The following DESI2 variants were observed in gnomAD, a reference collection of about 807,000 sequenced individuals.
The protein encoded by DESI2 is deubiquitinase DESI2.
A neutral mutation model predicts 24.1 loss-of-function variants in DESI2; 10 were observed. That is an observed-to-expected ratio of 0.41 (90% CI 0.26 to 0.70). DESI2 has a LOEUF of 0.70. Ranked by LOEUF, DESI2 falls within the 30% of genes least tolerant of loss-of-function variation. DESI2 has a pLI of 0.29. For missense variants in DESI2, 122 were observed against 234.9 expected (o/e 0.52, Z 3.14); for synonymous variants, 71 against 87.7 (o/e 0.81, Z 1.06).
chr1:244,680,020 C>CTTT (rs147614472), intron 1 of DESI2, among the ~76,000 whole-genome samples: 946 of 81,762 alleles, frequency 0.012, 18 homozygotes, highest in South Asian at 0.023. Context: ...TCTTTTTAGC[C>CTTT]TTTTTTTTTT....
rs574734012 is a variant in DESI2 at position 244,653,459 on chromosome 1, C to T, written c.42+104C>T. ...AGGCGCTTCCTGCCTGGCGTCTCCG[C>T]CTCCAGCCTAGTTCTCGGGGGAAGC... On this transcript the variant is annotated intron_variant, in intron 1 of 4. Coordinates refer to ENST00000302550, the MANE Select transcript of DESI2 (RefSeq NM_016076.5). 6.5e-6 allele frequency: 8 copies of T among 1,236,656 alleles called. No homozygotes were observed. The South Asian group carries it at 1.1e-4, about 18-fold the overall frequency. 76.6% of individuals were successfully genotyped at this position (1,236,656 alleles called of 1,614,324 possible). A position where few individuals can be genotyped will look rare whatever the true frequency, so the allele number is the denominator to read the frequency against.
At chr1:244,702,436 C>A (rs1677503752) in intron 4 of DESI2, among the ~76,000 whole-genome samples, 1 of 152,166 alleles carries the variant, frequency 6.6e-6, no homozygotes, top group Non-Finnish European at 1.5e-5. Context: ...ATCGCCTGAA[C>A]CTGGCAGGTG....
chr1:244,676,526 C>A (rs913730299), intron 1 of DESI2, among the ~76,000 whole-genome samples: 38 of 151,152 alleles, frequency 2.5e-4, no homozygotes, highest in African/African-American at 9.2e-4. Flanking sequence ...TCTTTTTTTC[C>A]AGTTTGAATG....
At position 244,676,761 on chromosome 1, in the gene DESI2, A is replaced by G. The variant is rs189595512; in HGVS notation, c.43-9836A>G. ...CCTAGTTTATTGAATAGATTTTAAA[A>G]ATATATACAATGTATATTTTATATA... On this transcript the variant is annotated intron_variant, in intron 1 of 4. Transcript: ENST00000302550. Among the ~76,000 whole-genome samples the G allele has an allele frequency of 7.0e-4, 104 of 148,320 alleles. 1 individual carries two copies. Among genetic ancestry groups the G allele is most frequent in the African/African-American group, 2.4e-3 (98 of 40,862 alleles).
intron 1 of DESI2, among the ~76,000 whole-genome samples, chr1:244,671,391 C>G (rs1180461631): frequency 6.6e-6 from 1 of 152,088 alleles, no homozygotes; most frequent in Non-Finnish European, 1.5e-5. Flanking sequence ...TCTGCAAGGC[C>G]GGCCCCCAGT....
At chr1:244,691,675 G>T (rs1451138208) in intron 3 of DESI2, among the ~76,000 whole-genome samples, 3 of 152,172 alleles carry the variant, frequency 2.0e-5, no homozygotes, top group Non-Finnish European at 4.4e-5. Context: ...ATATACTTAA[G>T]AGTTTATTGC....
At chr1:244,680,238 A>G (rs1333080557) in intron 1 of DESI2, among the ~76,000 whole-genome samples, 1 of 152,114 alleles carries the variant, frequency 6.6e-6, no homozygotes, top group Non-Finnish European at 1.5e-5. Flanking sequence ...GCTTGAGCCT[A>G]GGAGTTCGAG....
intron 1 of DESI2, among the ~76,000 whole-genome samples, chr1:244,679,596 C>T (rs573055626): frequency 2.4e-4 from 36 of 152,274 alleles, no homozygotes; most frequent in African/African-American, 7.0e-4. Context: ...TCTGGCTTGG[C>T]GTGTTGGCTC....
chr1:244,660,170 T>G (rs80211222), intron 1 of DESI2, among the ~76,000 whole-genome samples: 2 of 150,028 alleles, frequency 1.3e-5, no homozygotes, highest in African/African-American at 2.5e-5. Flanking sequence ...TTGTTGTTGT[T>G]TTGTTGTTGT....
At position 244,690,962 on chromosome 1, in the gene DESI2, C is replaced by G. The variant is rs960729665; in HGVS notation, c.210-917C>G. 2.4e-4 allele frequency among the ~76,000 whole-genome samples: 36 copies of G among 152,222 alleles called. 1 individual carries two copies. The highest frequency in any genetic ancestry group is 8.7e-4 in the African/African-American group (36 of 41,454). ...TCCACTCCTTCGGGCTCTCTTTTGG[C>G]AAGACTACTTGATAAAAGGATTTTC... is the stretch of plus-strand genomic sequence containing the variant. On this transcript the variant is annotated intron_variant, in intron 3 of 4. Transcript: ENST00000302550.
intron 1 of DESI2, among the ~76,000 whole-genome samples, chr1:244,683,591 G>A (rs541525720): frequency 2.5e-3 from 384 of 152,238 alleles, no homozygotes; most frequent in African/African-American, 8.1e-3. Flanking sequence ...GATTACAGGC[G>A]TGAGCCACCG....
chr1:244,689,452 C>T lies in DESI2; in HGVS notation c.209+110C>T. The T allele has an allele frequency of 3.4e-6, 2 of 593,378 alleles. No homozygotes were observed. Among genetic ancestry groups the T allele is most frequent in the Non-Finnish European group, 6.1e-6 (2 of 329,922 alleles). 36.8% of individuals were successfully genotyped at this position (593,378 alleles called of 1,614,324 possible). A position where few individuals can be genotyped will look rare whatever the true frequency, so the allele number is the denominator to read the frequency against. ...AACAAACCCAAGAAGTTAAAAATGTCTCTTTGTTTTAATTGCTGACATTTT... is the reference window on the plus strand; with the variant it reads ...AACAAACCCAAGAAGTTAAAAATGTTTCTTTGTTTTAATTGCTGACATTTT... On this transcript the variant is annotated intron_variant, in intron 3 of 4. Transcript: ENST00000302550. The surrounding 1 kb of genome is among the most constrained non-coding windows in gnomAD (Gnocchi z 4.0).
rs1677751027 is a variant in DESI2, at chr1:244,707,438, T to C, written c.*1649T>C. The C allele has an allele frequency of 1.3e-5, 2 of 152,620 alleles. No homozygotes were observed. The highest frequency in any genetic ancestry group is 4.8e-5 in the African/African-American group (2 of 41,444). The allele number at this position is 152,620 out of a possible 1,614,324, so 9.5% of individuals were successfully genotyped here. A position where few individuals can be genotyped will look rare whatever the true frequency, so the allele number is the denominator to read the frequency against. On this transcript the variant is annotated 3_prime_UTR_variant, in exon 5 of 5. Transcript: ENST00000302550. ...AGAGGAAAGCCTTTACAAATTACTCTCAGTTCTTTAGGGGCAGAAGGCTTG... is the reference window on the plus strand; with the variant it reads ...AGAGGAAAGCCTTTACAAATTACTCCCAGTTCTTTAGGGGCAGAAGGCTTG...
At chr1:244,660,148 A>T (rs537282392) in intron 1 of DESI2, among the ~76,000 whole-genome samples, 4 of 146,960 alleles carry the variant, frequency 2.7e-5, no homozygotes, top group Non-Finnish European at 6.0e-5. Flanking sequence ...TGTTTTATGG[A>T]TTTTTCTTTT....
chr1:244,701,736 CTCCATTTTGCTTTTT>C (rs1164114604), intron 4 of DESI2, among the ~76,000 whole-genome samples: 1 of 152,134 alleles, frequency 6.6e-6, no homozygotes, highest in Non-Finnish European at 1.5e-5. Context: ...ATATGCTTTT[CTCCATTTTGCTTTTT>C]TCACTAATAG....
chr1:244,694,686 C>T (rs1677149436), intron 4 of DESI2: 5 of 748,136 alleles, frequency 6.7e-6, no homozygotes, highest in African/African-American at 3.5e-5. Context: ...CGTCTTATTG[C>T]GACGCTTTCC....
chr1:244,679,782 G>A lies in DESI2; in HGVS notation c.43-6815G>A, dbSNP rs1676539812. ...CTTGCATGGCTGAGGCACAAGAATC[G>A]CTCGAACCTGGGAGGTGGAGGTTGC... On this transcript the variant is annotated intron_variant, in intron 1 of 4. Coordinates refer to ENST00000302550, the MANE Select transcript of DESI2 (RefSeq NM_016076.5). Among the ~76,000 whole-genome samples, 7 of 147,206 alleles carry A rather than the reference G, an allele frequency of 4.8e-5. No individual in the cohort carries two copies. In the Admixed American group the frequency reaches 4.9e-4, roughly 10 times the overall value.
chr1:244,682,459 TG>T (rs1211316512), intron 1 of DESI2, among the ~76,000 whole-genome samples: 1 of 152,234 alleles, frequency 6.6e-6, no homozygotes, highest in African/African-American at 2.4e-5. Context: ...ATCGTTCAAA[TG>T]TCAAAACTAT....
In DESI2 at chr1:244,705,838, A is replaced by C; in HGVS notation, c.*49A>C. 1.6e-5 allele frequency: 21 copies of C among 1,352,428 alleles called. No individual in the cohort carries two copies. The highest frequency in any genetic ancestry group is 2.2e-5 in the Non-Finnish European group (21 of 972,370). The allele number at this position is 1,352,428 out of a possible 1,614,324, so 83.8% of individuals were successfully genotyped here. ...GAACTGTCTCTGGCAGTCGAATATC[A>C]CTAGAGAAAAGTAAACAGAGAAGCA... On this transcript the variant is annotated 3_prime_UTR_variant, in exon 5 of 5. Transcript: ENST00000302550.
Sources: gnomAD v4.1 joint callset for allele counts (sites outside exome capture counted in the v4.1 genomes callset) on GRCh38, gnomAD v4.1.1 for gene constraint, Gnocchi (gnomAD v3.1) non-coding constraint, MANE v1.5 for transcripts, NCBI Gene and HGNC (gene_info 2026-07-23, HGNC 2026-07-21) for gene names.